The following VPS26A variants were observed in gnomAD, a reference collection of about 807,000 sequenced individuals.
The protein encoded by VPS26A is VPS26 retromer complex component A.
A neutral mutation model predicts 42.4 loss-of-function variants in VPS26A; 22 were observed. That is an observed-to-expected ratio of 0.52 (90% CI 0.37 to 0.74). The LOEUF is 0.74. VPS26A is among the 30% of genes least tolerant of loss of function. The pLI, the probability that VPS26A is intolerant of heterozygous loss-of-function variation, is 0.00. For missense variants in VPS26A, 276 were observed against 379.2 expected (o/e 0.73, Z 2.26); for synonymous variants, 110 against 123.5 (o/e 0.89, Z 0.73).
intron 1 of VPS26A, among the ~76,000 whole-genome samples, chr10:69,125,544 T>C (rs1019186958): frequency 2.0e-5 from 3 of 148,670 alleles, no homozygotes; most frequent in African/African-American, 4.8e-5. Flanking sequence ...GCTTCTTTAA[T>C]TGAATATCAT....
chr10:69,136,350 C>T (rs546584799), intron 2 of VPS26A, among the ~76,000 whole-genome samples: 12 of 151,712 alleles, frequency 7.9e-5, no homozygotes, highest in East Asian at 7.7e-4. Context: ...TGCAACTTCC[C>T]GCTTCCTGGG....
chr10:69,146,088 C>A (rs1841153913), intron 2 of VPS26A, among the ~76,000 whole-genome samples: 1 of 152,064 alleles, frequency 6.6e-6, no homozygotes, highest in Non-Finnish European at 1.5e-5. Flanking sequence ...TTTATTCAAT[C>A]ACTTATTCAT....
Position 69,172,435 on chromosome 10 carries a change from A to C in VPS26A, c.*1166A>C, listed in dbSNP as rs11552063. On this transcript the variant is annotated 3_prime_UTR_variant, in exon 9 of 9. Transcript: ENST00000263559. ...TAGGAACCAAAATGAAACCTGCTGT[A>C]TGGAAACTACTTTCACTTATGGTTC... is the stretch of plus-strand genomic sequence containing the variant. 0.018 allele frequency: 2,740 copies of C among 152,606 alleles called. 25 individuals are homozygous for C. The highest frequency in any genetic ancestry group is 0.028 in the Admixed American group (424 of 15,300). 9.5% of individuals were successfully genotyped at this position (152,606 alleles called of 1,614,324 possible).
At chr10:69,124,769 C>G (rs1437076572) in intron 1 of VPS26A, among the ~76,000 whole-genome samples, 1 of 152,192 alleles carries the variant, frequency 6.6e-6, no homozygotes, top group African/African-American at 2.4e-5. Context: ...TGGTGACATT[C>G]TTTGATTTCA....
At chr10:69,137,937 A>G (rs564752848) in intron 2 of VPS26A, among the ~76,000 whole-genome samples, 9 of 151,760 alleles carry the variant, frequency 5.9e-5, no homozygotes, top group African/African-American at 2.2e-4. Context: ...GTAAATTTAG[A>G]GTTGTACAAC....
chr10:69,125,433 C>G (rs1479054083), intron 1 of VPS26A, among the ~76,000 whole-genome samples: 5 of 152,056 alleles, frequency 3.3e-5, no homozygotes, highest in Non-Finnish European at 5.9e-5. Context: ...GAGAGATAAA[C>G]ATTTATTTGT....
At chr10:69,156,582 A>G (rs751976818) in intron 3 of VPS26A, among the ~76,000 whole-genome samples, 1 of 152,154 alleles carries the variant, frequency 6.6e-6, no homozygotes, top group South Asian at 2.1e-4. Flanking sequence ...TTACATGTCT[A>G]TTCTGACTGA....
At chr10:69,130,992 A>AT (rs1036618653) in intron 1 of VPS26A, among the ~76,000 whole-genome samples, 16 of 151,286 alleles carry the variant, frequency 1.1e-4, no homozygotes, top group South Asian at 2.1e-4. Context: ...ACTTGTGAAC[A>AT]TTTTTTTTCT....
intron 6 of VPS26A, among the ~76,000 whole-genome samples, chr10:69,163,761 G>GTTTTTTT (rs869118567): frequency 6.9e-6 from 1 of 145,840 alleles, no homozygotes; most frequent in African/African-American, 2.6e-5. Context: ...TTAATTTTCA[G>GTTTTTTT]TTTTCTTTTT....
chr10:69,163,945 T>A (rs1370168510), intron 6 of VPS26A, among the ~76,000 whole-genome samples: 2 of 151,294 alleles, frequency 1.3e-5, no homozygotes, highest in Non-Finnish European at 2.9e-5. Context: ...TTTTTTGTAT[T>A]TTTAGTAGAG....
intron 5 of VPS26A, among the ~76,000 whole-genome samples, chr10:69,159,837 G>C (rs1841513871): frequency 6.6e-6 from 1 of 151,872 alleles, no homozygotes; most frequent in Non-Finnish European, 1.5e-5. Flanking sequence ...TTAAACTAGG[G>C]CCACACATTG....
chr10:69,153,497 C>T (rs1307450919), intron 2 of VPS26A, among the ~76,000 whole-genome samples: 1 of 148,424 alleles, frequency 6.7e-6, no homozygotes, highest in Non-Finnish European at 1.5e-5. Flanking sequence ...GCACACACGC[C>T]CCAATACCCA....
In VPS26A at chr10:69,162,474, T is replaced by C. The variant is rs751402642; in HGVS notation, c.620T>C (p.Met207Thr). The C allele has an allele frequency of 7.6e-6, 12 of 1,574,446 alleles. No individual in the cohort carries two copies. The highest frequency in any genetic ancestry group is 1.7e-5 in the Admixed American group (1 of 57,512). ...TTAGTAAGAATAAAAATACAACATA[T>C]GGAGTTACAGCTGATCAAAAAAGAG... is the stretch of plus-strand genomic sequence containing the variant. ...FLLVRIKIQH[M>T]ELQLIKKEIT... The change falls in exon 6 of 9, where the codon ATG becomes ACG. Residue 207 changes from methionine to threonine, a missense_variant. By Grantham distance (81) the Met-to-Thr change is moderately conservative. Transcript: ENST00000263559.
At chr10:69,165,076 C>T (rs1349363193) in intron 6 of VPS26A, among the ~76,000 whole-genome samples, 1 of 151,850 alleles carries the variant, frequency 6.6e-6, no homozygotes, top group African/African-American at 2.4e-5. Flanking sequence ...TATAGGCACA[C>T]GCCAACATGC....
At chr10:69,138,099 AAATGG>A (rs111450665) in intron 2 of VPS26A, among the ~76,000 whole-genome samples, 350 of 152,310 alleles carry the variant, frequency 2.3e-3, no homozygotes, top group African/African-American at 7.8e-3. Context: ...CATTTCATAT[AAATGG>A]AATTATACAA....
intron 2 of VPS26A, 108 bp from the exon 3 acceptor site, chr10:69,155,704 A>G: frequency 2.4e-6 from 2 of 845,222 alleles, no homozygotes; most frequent in South Asian, 1.6e-5. Flanking sequence ...CTCAAACTTC[A>G]TAAATGAATA....
chr10:69,124,898 C>G (rs1392040721), intron 1 of VPS26A, among the ~76,000 whole-genome samples: 1 of 152,224 alleles, frequency 6.6e-6, no homozygotes, highest in African/African-American at 2.4e-5. Context: ...CCGTTTTAAG[C>G]ATTGGCTCTC....
chr10:69,173,466 T>C lies in VPS26A; in HGVS notation c.*2197T>C, dbSNP rs768249365. Among the ~76,000 whole-genome samples, 11 of 151,204 alleles carry C rather than the reference T, an allele frequency of 7.3e-5. No homozygotes were observed. The highest frequency in any genetic ancestry group is 3.6e-3 in the Middle Eastern group (1 of 278). ...ATGAGACCCTATCTCTACAAAAAAA[T>C]TAACAATGAGCTGGGCATGGTGGCA... On this transcript the variant is annotated 3_prime_UTR_variant, in exon 9 of 9. Coordinates refer to ENST00000263559, the MANE Select transcript of VPS26A (RefSeq NM_004896.5).
intron 2 of VPS26A, among the ~76,000 whole-genome samples, chr10:69,154,656 A>T (rs1392430086): frequency 6.6e-6 from 1 of 152,202 alleles, no homozygotes; most frequent in South Asian, 2.1e-4. Flanking sequence ...TGAGGCCAGG[A>T]GTTTGAGACC....
Sources: gnomAD v4.1 joint callset for allele counts (sites outside exome capture counted in the v4.1 genomes callset) on GRCh38, gnomAD v4.1.1 for gene constraint, MANE v1.5 for transcripts, NCBI Gene and HGNC (gene_info 2026-07-23, HGNC 2026-07-21) for gene names.